TXLNB: variants seen among roughly 807,000 people sequenced by gnomAD.
TXLNB encodes taxilin beta, also known as beta-taxilin.
In TXLNB, 37 loss-of-function variants were observed where a neutral mutation model predicts 57.4. That is an observed-to-expected ratio of 0.64 (90% confidence interval 0.50 to 0.85). The LOEUF (loss-of-function observed/expected upper bound fraction) is 0.85. Among genes scored for constraint, TXLNB ranks in the 40% least tolerant of loss-of-function variants. TXLNB has a pLI of 0.00. For synonymous variants in TXLNB, 302 were observed against 309.6 expected (o/e 0.98, Z 0.26); for missense variants, 848 against 825.6 (o/e 1.03, Z -0.33).
the TXLNB span, among the ~76,000 whole-genome samples, chr6:139,184,872 G>C: frequency 6.6e-6 from 1 of 152,250 alleles, no homozygotes; most frequent in South Asian, 2.1e-4. Context: ...AAAAAGTGCT[G>C]GTTACATGTT....
the TXLNB span, among the ~76,000 whole-genome samples, chr6:139,192,984 A>T: frequency 1.4e-5 from 2 of 141,018 alleles, no homozygotes; most frequent in African/African-American, 5.3e-5. Flanking sequence ...ACAAAAAAAA[A>T]AAACAACAAA....
the TXLNB span, among the ~76,000 whole-genome samples, chr6:139,224,673 A>G: frequency 6.6e-6 from 1 of 152,016 alleles, no homozygotes; most frequent in Non-Finnish European, 1.5e-5. Context: ...AAAATATAGC[A>G]TACCACAACT....
the TXLNB span, among the ~76,000 whole-genome samples, chr6:139,302,472 C>A: frequency 2.0e-5 from 3 of 151,780 alleles, no homozygotes; most frequent in African/African-American, 7.3e-5. Flanking sequence ...TATTAAAAAG[C>A]TGTTAAGTTA....
chr6:139,305,477 A>G, the TXLNB span, among the ~76,000 whole-genome samples: 1 of 152,206 alleles, frequency 6.6e-6, no homozygotes, highest in Non-Finnish European at 1.5e-5. Flanking sequence ...CTGCTTCCAC[A>G]TAGTTATATA....
At position 139,262,752 on chromosome 6, in the gene TXLNB, G is replaced by A. The variant is rs573364926; in HGVS notation, c.709C>T (p.Arg237Cys). 26 of 1,613,452 alleles carry A rather than the reference G, an allele frequency of 1.6e-5. No homozygotes were observed. Among genetic ancestry groups the A allele is most frequent in the African/African-American group, 8.0e-5 (6 of 74,984 alleles). ...TCCTTCCTTTTCTCTTCTTCCTCAC[G>A]TGCCCGCTGAAGCGCCTCTTCCTGC... is the stretch of plus-strand genomic sequence containing the variant. ...TLKEEALQRA[R>C]EEEEKRKEIT... Residue 237 changes from arginine to cysteine, a missense_variant, in exon 5 of 10, where the codon CGT (arginine) becomes TGT (cysteine). Coordinates refer to ENST00000358430, the MANE Select transcript of TXLNB (RefSeq NM_153235.4).
the TXLNB span, among the ~76,000 whole-genome samples, chr6:139,321,778 CCCA>C: frequency 6.6e-6 from 1 of 151,180 alleles, no homozygotes; most frequent in Non-Finnish European, 1.5e-5. Flanking sequence ...ACTACAGTTT[CCCA>C]CCACCACGCC....
At chr6:139,297,363 G>C in the TXLNB span, among the ~76,000 whole-genome samples, 3 of 152,146 alleles carry the variant, frequency 2.0e-5, no homozygotes, top group East Asian at 5.8e-4. Flanking sequence ...AAAAGCATCA[G>C]CATTGGAAAT....
intron 3 of TXLNB, 132 bp downstream of exon 3, chr6:139,276,698 G>A: frequency 1.5e-6 from 1 of 667,068 alleles, no homozygotes; most frequent in South Asian, 1.9e-5. Flanking sequence ...TAATCTGCAG[G>A]GTTAGCGCAC....
At chr6:139,261,145 C>A (rs1052286926) in intron 5 of TXLNB, among the ~76,000 whole-genome samples, 1 of 152,154 alleles carries the variant, frequency 6.6e-6, no homozygotes, top group African/African-American at 2.4e-5. Context: ...GAGGTCCAAT[C>A]AGAAACAGGA....
At chr6:139,233,357 AT>A in the TXLNB span, among the ~76,000 whole-genome samples, 11 of 3,214 alleles carry the variant, frequency 3.4e-3, no homozygotes, top group African/African-American at 0.011. Context: ...ATATAAATAT[AT>A]ATTTTTATAT....
chr6:139,202,095 T>C, the TXLNB span, among the ~76,000 whole-genome samples: 1 of 152,232 alleles, frequency 6.6e-6, no homozygotes, highest in Admixed American at 6.5e-5. Flanking sequence ...CTCAGTTGTA[T>C]CTAGTTACAT....
chr6:139,189,417 T>C, the TXLNB span, among the ~76,000 whole-genome samples: 1 of 152,232 alleles, frequency 6.6e-6, no homozygotes, highest in African/African-American at 2.4e-5. Flanking sequence ...AAATTAGTGT[T>C]TTTTATTATT....
intron 4 of TXLNB, among the ~76,000 whole-genome samples, chr6:139,263,024 T>C (rs1359111215): frequency 2.2e-4 from 33 of 152,234 alleles, no homozygotes; most frequent in Non-Finnish European, 4.4e-5. Flanking sequence ...GTTTTAAAGA[T>C]GATGCGTCTC....
chr6:139,262,842 C>G (rs1776520978), intron 4 of TXLNB, 69 bp from the exon 5 acceptor site: 18 of 1,509,508 alleles, frequency 1.2e-5, no homozygotes, highest in Non-Finnish European at 1.5e-5. Context: ...ATTAGGTCAC[C>G]TAAAGGAGAT....
At chr6:139,256,727 C>T (rs2114492930) in intron 6 of TXLNB, among the ~76,000 whole-genome samples, 1 of 152,366 alleles carries the variant, frequency 6.6e-6, no homozygotes, top group Non-Finnish European at 1.5e-5. Context: ...TGTCCTTGGT[C>T]TTTGTCCCTG....
At chr6:139,190,680 T>C in the TXLNB span, among the ~76,000 whole-genome samples, 1 of 152,162 alleles carries the variant, frequency 6.6e-6, no homozygotes, top group African/African-American at 2.4e-5. Flanking sequence ...CAAAGCATAC[T>C]TGGACTTCTA....
At chr6:139,194,002 C>T in the TXLNB span, among the ~76,000 whole-genome samples, 555 of 150,608 alleles carry the variant, frequency 3.7e-3, 3 homozygotes, top group African/African-American at 0.013. Context: ...CCACCACGCC[C>T]GGCCAATTTT....
the TXLNB span, among the ~76,000 whole-genome samples, chr6:139,234,922 C>T: frequency 6.6e-6 from 1 of 152,232 alleles, no homozygotes; most frequent in Admixed American, 6.5e-5. Flanking sequence ...CCTGCAAAGC[C>T]ACAGGAGTGG....
the TXLNB span, among the ~76,000 whole-genome samples, chr6:139,202,773 C>T: frequency 1.3e-5 from 2 of 152,144 alleles, no homozygotes; most frequent in Non-Finnish European, 1.5e-5. Context: ...TAACTAGTCA[C>T]CTTATAGCAG....
Sources: allele counts gnomAD v4.1 joint callset (sites outside exome capture counted in the v4.1 genomes callset), GRCh38; gene constraint gnomAD v4.1.1; transcripts MANE v1.5; gene names NCBI Gene and HGNC (gene_info 2026-07-23, HGNC 2026-07-21).